CLOCK: variants seen among roughly 807,000 people sequenced by gnomAD.
CLOCK encodes the protein clock circadian regulator.
A neutral mutation model predicts 118.4 loss-of-function variants in CLOCK; 43 were observed. That is an observed-to-expected ratio of 0.36 (90% CI 0.28 to 0.47). CLOCK has a LOEUF of 0.47. CLOCK is among the 20% of genes least tolerant of loss of function. CLOCK has a pLI of 1.00. For missense variants in CLOCK, 846 were observed against 999.9 expected (o/e 0.85, Z 2.08); for synonymous variants, 326 against 339.2 (o/e 0.96, Z 0.43).
chr4:55,508,662 G>A (rs767474775), intron 2 of CLOCK, among the ~76,000 whole-genome samples: 32 of 150,440 alleles, frequency 2.1e-4, no homozygotes, highest in Non-Finnish European at 4.6e-4. Context: ...GCATGATCTC[G>A]GCTCACTGCA....
intron 6 of CLOCK, among the ~76,000 whole-genome samples, chr4:55,477,822 A>T (rs1726624666): frequency 6.6e-6 from 1 of 152,020 alleles, no homozygotes; most frequent in Non-Finnish European, 1.5e-5. Flanking sequence ...GAGAGGAAAG[A>T]AGTTAGTTTC....
intron 1 of CLOCK, among the ~76,000 whole-genome samples, chr4:55,541,782 G>A (rs1560489176): frequency 1.3e-5 from 2 of 151,854 alleles, no homozygotes; most frequent in African/African-American, 4.8e-5. Flanking sequence ...TTTCCAGCGG[G>A]AAAGCTTAAA....
chr4:55,461,946 T>C (rs1241764816), intron 9 of CLOCK, among the ~76,000 whole-genome samples: 1 of 152,200 alleles, frequency 6.6e-6, no homozygotes, highest in African/African-American at 2.4e-5. Context: ...TTACCACCTG[T>C]ACAACCTCAA....
At chr4:55,544,571 CA>C (rs1194984457) in intron 1 of CLOCK, among the ~76,000 whole-genome samples, 1 of 152,114 alleles carries the variant, frequency 6.6e-6, no homozygotes, top group Non-Finnish European at 1.5e-5. Flanking sequence ...AAAGGTATCC[CA>C]AACTTCCTTT....
rs1366757958 is a variant in CLOCK at position 55,449,451 on chromosome 4, T to C, written c.1394A>G (p.Gln465Arg). 5 of 1,614,072 alleles carry C rather than the reference T, an allele frequency of 3.1e-6. No individual in the cohort carries two copies. In the Admixed American group the frequency reaches 8.3e-5, roughly 27 times the overall value. Residue 465 changes from glutamine to arginine, a missense_variant, in exon 17 of 23, where the codon CAG becomes CGG. Gln to Arg is a conservative substitution (Grantham distance 43, BLOSUM62 1). Transcript: ENST00000513440. The part of the protein sequence containing the change: ...IPTDTSTPPR[Q>R]HLPAHEKMVQ... ...CATCTTCTCATGAGCTGGTAAATGC[T>C]GCCTGGGTGGAGTGCTCGTATCCGT...
At chr4:55,487,172 G>A (rs193077590) in intron 3 of CLOCK, among the ~76,000 whole-genome samples, 8 of 152,140 alleles carry the variant, frequency 5.3e-5, no homozygotes, top group African/African-American at 1.9e-4. Context: ...TGTAAGGTTT[G>A]TGTTTAATTT....
At chr4:55,525,132 A>G (rs1730094861) in intron 1 of CLOCK, among the ~76,000 whole-genome samples, 2 of 152,230 alleles carry the variant, frequency 1.3e-5, no homozygotes, top group Admixed American at 6.5e-5. Context: ...TTAAAGCTAC[A>G]GGAATATAAC....
intron 1 of CLOCK, among the ~76,000 whole-genome samples, chr4:55,516,281 T>C (rs1321700428): frequency 6.6e-6 from 1 of 152,214 alleles, no homozygotes; most frequent in Non-Finnish European, 1.5e-5. Context: ...CATCTGTCCA[T>C]TTCTGATAAT....
chr4:55,543,954 T>G (rs1214207316), intron 1 of CLOCK, among the ~76,000 whole-genome samples: 1 of 152,122 alleles, frequency 6.6e-6, no homozygotes, highest in East Asian at 1.9e-4. Flanking sequence ...CTGGTAATAT[T>G]ACAAAAATGC....
At chr4:55,463,859 G>A in intron 8 of CLOCK, 54 bp from the exon 9 acceptor site, 1 of 1,538,516 alleles carries the variant, frequency 6.5e-7, no homozygotes, top group African/African-American at 1.4e-5. Context: ...AGAGACAATT[G>A]CTTTAAAAGT....
intron 7 of CLOCK, among the ~76,000 whole-genome samples, chr4:55,471,660 A>G (rs1045499531): frequency 1.3e-5 from 2 of 152,218 alleles, no homozygotes; most frequent in African/African-American, 4.8e-5. Flanking sequence ...ACTACAATGT[A>G]TTTTCATTTG....
chr4:55,534,770 AGC>A, intron 1 of CLOCK, among the ~76,000 whole-genome samples: 1 of 112,282 alleles, frequency 8.9e-6, no homozygotes, highest in Middle Eastern at 4.5e-3. Context: ...AAGACTTCAA[AGC>A]ACTACTGAGA....
chr4:55,500,884 T>G (rs1728391554), intron 2 of CLOCK, among the ~76,000 whole-genome samples: 1 of 151,812 alleles, frequency 6.6e-6, no homozygotes, highest in Non-Finnish European at 1.5e-5. Flanking sequence ...CAGGGTCTTA[T>G]TCTGTCACCC....
At chr4:55,486,560 GGACAT>G (rs1173985518) in intron 3 of CLOCK, 6 of 152,092 alleles carry the variant, frequency 3.9e-5, no homozygotes, top group African/African-American at 1.2e-4. Flanking sequence ...CTAAGAAAGG[GGACAT>G]GACAGGTAAA....
intron 8 of CLOCK, among the ~76,000 whole-genome samples, chr4:55,465,242 T>C (rs1310675571): frequency 6.6e-6 from 1 of 151,840 alleles, no homozygotes; most frequent in East Asian, 1.9e-4. Context: ...TTATAAATAA[T>C]CTAGAAATGA....
intron 1 of CLOCK, among the ~76,000 whole-genome samples, chr4:55,517,628 G>A (rs1290917890): frequency 6.6e-6 from 1 of 152,156 alleles, no homozygotes; most frequent in African/African-American, 2.4e-5. Flanking sequence ...TTCTGCCTTT[G>A]TCTGGTTGCA....
chr4:55,523,491 TA>T (rs35566281), intron 1 of CLOCK, among the ~76,000 whole-genome samples: 51,334 of 151,860 alleles, frequency 0.34, 9,371 homozygotes, highest in East Asian at 0.58. Context: ...AAAGGGATAA[TA>T]AAAAAAATTG....
intron 9 of CLOCK, among the ~76,000 whole-genome samples, chr4:55,460,952 C>A (rs1725298851): frequency 1.4e-5 from 2 of 147,158 alleles, no homozygotes; most frequent in South Asian, 4.3e-4. Flanking sequence ...GAGACAAAGT[C>A]TCATTCTGTC....
intron 22 of CLOCK, 49 bp from the exon 23 acceptor site, chr4:55,435,643 C>A: frequency 6.3e-7 from 1 of 1,579,846 alleles, no homozygotes; most frequent in Non-Finnish European, 8.7e-7. Flanking sequence ...CTTTATGGCA[C>A]CCACATAATA....
Sources: gnomAD v4.1 joint callset for allele counts (sites outside exome capture counted in the v4.1 genomes callset) on GRCh38, gnomAD v4.1.1 for gene constraint, MANE v1.5 for transcripts, NCBI Gene and HGNC (gene_info 2026-07-23, HGNC 2026-07-21) for gene names.